Variants in FAM13A observed in about 807,000 individuals in gnomAD.
FAM13A encodes protein FAM13A.
In FAM13A, 76 loss-of-function variants were observed where a neutral mutation model predicts 129.6. The observed-to-expected ratio is 0.59, with a 90% CI of 0.49 to 0.71. FAM13A has a LOEUF of 0.71. Ranked by LOEUF, FAM13A falls within the 30% of genes least tolerant of loss-of-function variation. FAM13A has a pLI of 0.00. For synonymous variants in FAM13A, 443 were observed against 449.9 expected, an observed-to-expected ratio of 0.98 and a Z score of 0.20; for missense variants, 1,108 against 1,249.3, an observed-to-expected ratio of 0.89 and a Z score of 1.70.
intron 7 of FAM13A, among the ~76,000 whole-genome samples, chr4:88,832,094 C>T (rs1733984049): frequency 6.6e-6 from 1 of 152,084 alleles, no homozygotes; most frequent in African/African-American, 2.4e-5. Flanking sequence ...ACACCTAAAA[C>T]CGTCTGATCT....
At chr4:88,938,962 G>A (rs1300045650) in intron 4 of FAM13A, among the ~76,000 whole-genome samples, 1 of 152,180 alleles carries the variant, frequency 6.6e-6, no homozygotes, top group African/African-American at 2.4e-5. Context: ...AGTTGGAAAT[G>A]TTGCAGAATA....
intron 7 of FAM13A, among the ~76,000 whole-genome samples, chr4:88,845,146 C>T (rs750325720): frequency 5.4e-5 from 8 of 149,250 alleles, no homozygotes; most frequent in Admixed American, 1.3e-4. Context: ...TTGAGGATCA[C>T]GAGGGAAAAA....
At position 89,002,712 on chromosome 4, in the gene FAM13A, TTA is replaced by T. The variant is rs575390260; in HGVS notation, c.428-11564_428-11563del. ...CAGATCAAAACAGCTAAGAATCACT[TTA>T]TGTTTGAATAAAGACAAAAAGAAAA... On this transcript the variant is annotated intron_variant, in intron 3 of 23. Coordinates refer to ENST00000264344, the MANE Select transcript of FAM13A (RefSeq NM_014883.4). Among the ~76,000 whole-genome samples, 14 of 152,254 alleles carry T rather than the reference TTA, an allele frequency of 9.2e-5. No individual in the cohort carries two copies. In the South Asian group the frequency reaches 2.7e-3, roughly 29 times the overall value.
chr4:88,920,410 C>A (rs992479152), intron 5 of FAM13A, among the ~76,000 whole-genome samples: 4 of 152,238 alleles, frequency 2.6e-5, no homozygotes, highest in Non-Finnish European at 5.9e-5. Context: ...CGCTGTTCTG[C>A]AGCCACCGCT....
chr4:88,749,973 T>G, intron 15 of FAM13A, 64 bp from the exon 16 acceptor site: 416 of 1,468,826 alleles, frequency 2.8e-4, no homozygotes, highest in Non-Finnish European at 3.6e-4. Flanking sequence ...AGAGGGGCCC[T>G]GGGGAAGTGG....
At chr4:88,867,539 T>C (rs1043994117) in intron 6 of FAM13A, among the ~76,000 whole-genome samples, 1 of 152,262 alleles carries the variant, frequency 6.6e-6, no homozygotes, top group African/African-American at 2.4e-5. Flanking sequence ...TCCTGGCATG[T>C]TCACAAATGA....
rs1447626771 is a variant in FAM13A, at chr4:88,758,877, G to T, written c.1603C>A (p.His535Asn). The T allele has an allele frequency of 6.2e-7, 1 of 1,613,970 alleles. No individual in the cohort carries two copies. Among genetic ancestry groups the T allele is most frequent in the African/African-American group, 1.3e-5 (1 of 75,016 alleles). The change falls in exon 14 of 24, where the codon CAT (histidine) becomes AAT (asparagine). Residue 535 changes from histidine to asparagine, a missense_variant. His to Asn is a moderately conservative substitution (Grantham distance 68). This residue lies in a region of FAM13A where 529 missense variants were observed against 621.2 expected (regional missense o/e 0.85). Transcript: ENST00000264344. ...FESPTMKIQE[H>N]PSLSDTKQQR... The stretch of plus-strand genomic sequence containing the variant: ...TGTTTGGTGTCAGATAGGCTGGGAT[G>T]CTCCTGGATCTTCATTGTGGGGCTC...
chr4:88,885,543 C>T (rs1467629253), intron 6 of FAM13A, among the ~76,000 whole-genome samples: 1 of 152,080 alleles, frequency 6.6e-6, no homozygotes, highest in Non-Finnish European at 1.5e-5. Context: ...AAGACCTGAG[C>T]CCACAAAAAT....
chr4:89,036,802 C>T (rs1268875858), intron 1 of FAM13A, among the ~76,000 whole-genome samples: 1 of 152,208 alleles, frequency 6.6e-6, no homozygotes, highest in Non-Finnish European at 1.5e-5. Flanking sequence ...CAGCTCCAGC[C>T]ATGGCTAAAA....
chr4:88,805,448 C>G (rs1728364272), intron 7 of FAM13A, among the ~76,000 whole-genome samples: 1 of 152,156 alleles, frequency 6.6e-6, no homozygotes. Flanking sequence ...AAACAACCAA[C>G]AAAACATTCC....
At chr4:88,993,730 G>T (rs1763200629) in intron 3 of FAM13A, among the ~76,000 whole-genome samples, 1 of 152,158 alleles carries the variant, frequency 6.6e-6, no homozygotes, top group Non-Finnish European at 1.5e-5. Flanking sequence ...GCTGGGCGCG[G>T]CAGCTCACGC....
intron 3 of FAM13A, chr4:89,008,965 TC>T (rs1765399876): frequency 6.6e-6 from 1 of 152,144 alleles, no homozygotes; most frequent in Admixed American, 6.5e-5. Flanking sequence ...ATTTTACTCA[TC>T]CATTTAAAAT....
At chr4:88,916,248 G>A (rs1462810808) in intron 5 of FAM13A, among the ~76,000 whole-genome samples, 1 of 152,146 alleles carries the variant, frequency 6.6e-6, no homozygotes, top group Non-Finnish European at 1.5e-5. Context: ...AGCAAGGGAA[G>A]ATGAACAAAG....
Position 89,029,446 on chromosome 4 carries a change from A to G in FAM13A, c.217+14T>C. 3 of 1,587,958 alleles carry G rather than the reference A, an allele frequency of 1.9e-6. No individual in the cohort carries two copies. The highest frequency in any genetic ancestry group is 1.7e-6 in the Non-Finnish European group (2 of 1,168,978). On this transcript the variant is annotated intron_variant, in intron 2 of 23. Coordinates refer to ENST00000264344, the MANE Select transcript of FAM13A (RefSeq NM_014883.4). Reference sequence around the variant, plus strand: ...ACTGTGAAAATGAACAGACTAAAGCATGACTTAACTCACCATGCTGCGTCA... The same window carrying G: ...ACTGTGAAAATGAACAGACTAAAGCGTGACTTAACTCACCATGCTGCGTCA...
chr4:88,923,288 A>G (rs1031725264), intron 5 of FAM13A, among the ~76,000 whole-genome samples: 2 of 152,252 alleles, frequency 1.3e-5, no homozygotes, highest in African/African-American at 4.8e-5. Context: ...ATGAACATCA[A>G]TGCAAAAATC....
intron 5 of FAM13A, among the ~76,000 whole-genome samples, chr4:88,915,462 CTAATTA>C (rs1749959877): frequency 2.0e-5 from 3 of 152,192 alleles, no homozygotes; most frequent in Middle Eastern, 3.4e-3. Context: ...GAATTTTGAA[CTAATTA>C]TAATTACTTT....
At chr4:88,873,437 A>T (rs1741784521) in intron 6 of FAM13A, among the ~76,000 whole-genome samples, 1 of 152,242 alleles carries the variant, frequency 6.6e-6, no homozygotes, top group Admixed American at 6.5e-5. Context: ...AAATAGATGC[A>T]ACAAAAAATG....
At chr4:88,987,193 AG>A (rs530682094) in intron 4 of FAM13A, among the ~76,000 whole-genome samples, 393 of 152,202 alleles carry the variant, frequency 2.6e-3, no homozygotes, top group African/African-American at 9.2e-3. Context: ...GACAAGGGAA[AG>A]CTCTTCTTTA....
At chr4:88,882,744 A>G (rs1289700709) in intron 6 of FAM13A, among the ~76,000 whole-genome samples, 2 of 152,178 alleles carry the variant, frequency 1.3e-5, no homozygotes, top group African/African-American at 4.8e-5. Context: ...GAATTCACCA[A>G]CCAACTATCT....
Sources: allele counts gnomAD v4.1 joint callset (sites outside exome capture counted in the v4.1 genomes callset), GRCh38; gene constraint gnomAD v4.1.1; regional missense constraint gnomAD v4.1.1; transcripts MANE v1.5; gene names NCBI Gene and HGNC (gene_info 2026-07-23, HGNC 2026-07-21).